The following SLC28A1 variants were observed in gnomAD, a reference collection of about 807,000 sequenced individuals.
SLC28A1 encodes solute carrier family 28 member 1.
SLC28A1 carries 64 observed loss-of-function variants against 74.8 expected under a neutral mutation model. That is an observed-to-expected ratio of 0.86 (90% CI 0.70 to 1.05). SLC28A1 has a LOEUF of 1.05. Among genes scored for constraint, SLC28A1 ranks in the 50% least tolerant of loss-of-function variants. SLC28A1 has a pLI of 0.00. For missense variants in SLC28A1, 828 were observed against 822.8 expected (o/e 1.01, Z -0.08); for synonymous variants, 359 against 335.0 (o/e 1.07, Z -0.78).
At chr15:84,900,202 G>A (rs1355046123) in intron 6 of SLC28A1, among the ~76,000 whole-genome samples, 1 of 151,766 alleles carries the variant, frequency 6.6e-6, no homozygotes, top group African/African-American at 2.4e-5. Context: ...GCATGCGCCT[G>A]TAGTATCAGC....
At chr15:84,908,876 G>C (rs1967713827) in intron 9 of SLC28A1, 81 bp downstream of exon 9, 1 of 1,171,224 alleles carries the variant, frequency 8.5e-7, no homozygotes, top group South Asian at 1.2e-5. Context: ...GGGCATGGTG[G>C]GGGCCCAGGT....
intron 4 of SLC28A1, among the ~76,000 whole-genome samples, chr15:84,889,740 CCTTCCTTCCT>C (rs1965118475): frequency 1.2e-5 from 1 of 82,068 alleles, no homozygotes; most frequent in Non-Finnish European, 2.5e-5. Flanking sequence ...TTCCTTCCTT[CCTTCCTTCCT>C]TCCTTCCTTC....
At chr15:84,955,043 G>A in the SLC28A1 span, among the ~76,000 whole-genome samples, 1 of 152,208 alleles carries the variant, frequency 6.6e-6, no homozygotes, top group Non-Finnish European at 1.5e-5. Flanking sequence ...CTCTGTGGCT[G>A]CCACGCTGTG....
Position 84,888,841 on chromosome 15 carries a change from C to A in SLC28A1, c.166C>A (p.Pro56Thr), listed in dbSNP as rs1319312684. 8 of 1,552,816 alleles carry A rather than the reference C, an allele frequency of 5.2e-6. No homozygotes were observed. The South Asian group carries it at 8.3e-5, about 16-fold the overall frequency. The change falls in exon 4 of 19, where the codon CCG (proline) becomes ACG (threonine). Residue 56 changes from proline (P) to threonine (T), a missense_variant. By Grantham distance (38) the Pro-to-Thr change is conservative (BLOSUM62 -1). Transcript: ENST00000394573. ...EIRSSWSEAA[P>T]KPFSRWRNLQ... The stretch of plus-strand genomic sequence containing the variant: ...CAGGAGCAGCTGGAGCGAGGCGGCG[C>A]CGAAGCCCTTCTCCAGATGGTAGGT...
chr15:84,946,118 T>A (rs1156369709), downstream of SLC28A1, among the ~76,000 whole-genome samples: 323 of 50,126 alleles, frequency 6.4e-3, no homozygotes, highest in African/African-American at 0.01. Context: ...ATATATTTTT[T>A]TTTTTTTTTT....
chr15:84,973,034 G>C, the SLC28A1 span, among the ~76,000 whole-genome samples: 1 of 150,576 alleles, frequency 6.6e-6, no homozygotes, highest in Admixed American at 6.6e-5. Flanking sequence ...AAGGACCAAA[G>C]TCCTTGTCAT....
intron 7 of SLC28A1, 127 bp downstream of exon 7, chr15:84,904,365 G>A (rs1966858549): frequency 2.2e-6 from 3 of 1,340,316 alleles, no homozygotes; most frequent in Non-Finnish European, 3.2e-6. Flanking sequence ...TCAGGGCCTG[G>A]AGAAGGCCTG....
At chr15:84,913,558 C>A (rs1337205075) in intron 9 of SLC28A1, among the ~76,000 whole-genome samples, 1 of 152,222 alleles carries the variant, frequency 6.6e-6, no homozygotes, top group Non-Finnish European at 1.5e-5. Flanking sequence ...CACTGTAGAC[C>A]TATTAAATCC....
At chr15:84,966,398 C>G in the SLC28A1 span, among the ~76,000 whole-genome samples, 63 of 152,292 alleles carry the variant, frequency 4.1e-4, no homozygotes, top group African/African-American at 1.4e-3. Context: ...CAAAGTCTTG[C>G]TCTGTCACTC....
chr15:84,969,376 G>A, the SLC28A1 span, among the ~76,000 whole-genome samples: 1 of 152,172 alleles, frequency 6.6e-6, no homozygotes, highest in African/African-American at 2.4e-5. Context: ...AAGCCTTCAC[G>A]CTGAAGAAGG....
the SLC28A1 span, among the ~76,000 whole-genome samples, chr15:84,965,658 T>C: frequency 3.3e-3 from 509 of 152,298 alleles, 2 homozygotes; most frequent in African/African-American, 0.011. Context: ...GGCCATGCAC[T>C]TCTTCTAGGA....
chr15:84,918,727 A>G, intron 10 of SLC28A1, 123 bp downstream of exon 10: 1 of 792,048 alleles, frequency 1.3e-6, no homozygotes, highest in Non-Finnish European at 2.2e-6. Context: ...CCCCAAGCCC[A>G]CACCCTTCCA....
rs17222421 is a variant in SLC28A1, at chr15:84,945,153, C to T, written c.1903C>T (p.Leu635=). 1.2e-6 allele frequency: 2 copies of T among 1,613,986 alleles called. No homozygotes were observed. The highest frequency in any genetic ancestry group is 2.7e-5 in the African/African-American group (2 of 74,900). ...SVNPEFSPEA[L]DNCCRFYNHT... is the part of the protein sequence containing the mutation. Reference sequence around the variant, plus strand: ...CAATCCAGAGTTCAGCCCAGAGGCCCTGGACAACTGCTGTCGGTTTTACAA... The same window carrying T: ...CAATCCAGAGTTCAGCCCAGAGGCCTTGGACAACTGCTGTCGGTTTTACAA... Residue 635 remains leucine, a synonymous_variant, in exon 19 of 19, where the codon CTG becomes TTG. Transcript: ENST00000394573.
chr15:84,905,699 A>G, intron 8 of SLC28A1, 47 bp downstream of exon 8: 2 of 1,353,452 alleles, frequency 1.5e-6, no homozygotes, highest in Non-Finnish European at 2.1e-6. Flanking sequence ...GATTACTGGG[A>G]GTAGGGGAGA....
chr15:84,921,448 C>T (rs1299734725), intron 11 of SLC28A1, among the ~76,000 whole-genome samples: 1 of 152,050 alleles, frequency 6.6e-6, no homozygotes, highest in African/African-American at 2.4e-5. Flanking sequence ...TCTTTCTGGT[C>T]AGAGTTTTTT....
At chr15:84,946,235 A>G (rs941515636), downstream of SLC28A1, among the ~76,000 whole-genome samples, 1 of 148,322 alleles carries the variant, frequency 6.7e-6, no homozygotes, top group Admixed American at 6.8e-5. Flanking sequence ...GATTATAAGC[A>G]TAAGTCACTG....
In SLC28A1 at chr15:84,945,267, C is replaced by G; in HGVS notation, c.*67C>G. 6.9e-7 allele frequency: 1 copy of G among 1,454,378 alleles called. No individual in the cohort carries two copies. The highest frequency in any genetic ancestry group is 1.1e-5 in the South Asian group (1 of 87,190). The allele number at this position is 1,454,378 out of a possible 1,614,324, so 90.1% of individuals were successfully genotyped here. On this transcript the variant is annotated 3_prime_UTR_variant, in exon 19 of 19. Transcript: ENST00000394573. ...CTCCCCCGGGAACCATCTGTCCCCA[C>G]CTTCCCTTTCCCAGAGCCCTCTTCA...
intron 9 of SLC28A1, among the ~76,000 whole-genome samples, chr15:84,914,767 A>T (rs903714428): frequency 2.0e-5 from 3 of 152,162 alleles, no homozygotes; most frequent in Admixed American, 2.0e-4. Context: ...TGCAGGCCCC[A>T]GAGGTGTTTC....
the SLC28A1 span, among the ~76,000 whole-genome samples, chr15:84,958,674 C>G: frequency 1.3e-5 from 2 of 152,140 alleles, no homozygotes; most frequent in Non-Finnish European, 2.9e-5. Context: ...CCACCTCAGC[C>G]TCCCAAATAG....
Sources: gnomAD v4.1 joint callset for allele counts (sites outside exome capture counted in the v4.1 genomes callset) on GRCh38, gnomAD v4.1.1 for gene constraint, MANE v1.5 for transcripts, NCBI Gene and HGNC (gene_info 2026-07-23, HGNC 2026-07-21) for gene names.